ARL3: variants seen among roughly 807,000 people sequenced by gnomAD.
The protein encoded by ARL3 is ADP-ribosylation factor-like protein 3.
In ARL3, 9 loss-of-function variants were observed where a neutral mutation model predicts 26.0. The ratio of observed to expected loss-of-function variants is 0.35; its 90% CI spans 0.21 to 0.60. The LOEUF is 0.60. Ranked by LOEUF, ARL3 falls within the 20% of genes least tolerant of loss-of-function variation. ARL3 has a pLI of 0.78. For synonymous variants in ARL3, 71 were observed against 78.4 expected (o/e 0.91, Z 0.50); for missense variants, 158 against 215.7 (o/e 0.73, Z 1.67).
chr10:102,677,916 T>C (rs565459485), intron 5 of ARL3, among the ~76,000 whole-genome samples: 1 of 152,076 alleles, frequency 6.6e-6, no homozygotes, highest in Admixed American at 6.6e-5. Flanking sequence ...CCACATTTCC[T>C]GTGGCCATGG....
chr10:102,695,852 G>C (rs1445054484), intron 3 of ARL3, among the ~76,000 whole-genome samples: 1 of 151,128 alleles, frequency 6.6e-6, no homozygotes. Context: ...TTATTTTTTT[G>C]TTTTTTTCTG....
At chr10:102,701,097 A>C (rs963853054) in intron 2 of ARL3, among the ~76,000 whole-genome samples, 52 of 152,202 alleles carry the variant, frequency 3.4e-4, no homozygotes, top group African/African-American at 1.2e-3. Flanking sequence ...TGAGCAAATC[A>C]GGGACAGGCA....
intron 1 of ARL3, among the ~76,000 whole-genome samples, chr10:102,710,400 A>G (rs990504470): frequency 6.6e-6 from 1 of 152,218 alleles, no homozygotes; most frequent in Non-Finnish European, 1.5e-5. Context: ...GCTGGATGAA[A>G]GAGACCAGAA....
intron 3 of ARL3, among the ~76,000 whole-genome samples, chr10:102,691,473 C>T (rs1346768216): frequency 2.0e-5 from 3 of 152,244 alleles, no homozygotes; most frequent in African/African-American, 7.2e-5. Flanking sequence ...AAGGCAACCA[C>T]AGAAAATCTG....
At chr10:102,692,509 G>C (rs1470445471) in intron 3 of ARL3, among the ~76,000 whole-genome samples, 1 of 151,716 alleles carries the variant, frequency 6.6e-6, no homozygotes, top group Non-Finnish European at 1.5e-5. Context: ...TCTGCCTCCT[G>C]GGTTCAAGCG....
At chr10:102,682,918 GA>G (rs976661222) in intron 5 of ARL3, among the ~76,000 whole-genome samples, 2 of 151,714 alleles carry the variant, frequency 1.3e-5, no homozygotes, top group Admixed American at 6.6e-5. Context: ...GGGTAGGGAG[GA>G]AAAAAACAGG....
At position 102,676,147 on chromosome 10, in the gene ARL3, G is replaced by C. The variant is rs1310320403; in HGVS notation, c.*747C>G. 2 of 137,446 alleles carry C rather than the reference G, an allele frequency of 1.5e-5. No individual in the cohort carries two copies. Among genetic ancestry groups the C allele is most frequent in the Non-Finnish European group, 1.6e-5 (1 of 63,958 alleles). 8.5% of individuals were successfully genotyped at this position (137,446 alleles called of 1,614,324 possible). A position where few individuals can be genotyped will look rare whatever the true frequency, so the allele number is the denominator to read the frequency against. ...ACCTCCCACCTCTCCTTACATTCCA[G>C]ATGTCATTACAGTCAAAAGTCATAA... On this transcript the variant is annotated 3_prime_UTR_variant, in exon 6 of 6. Coordinates refer to ENST00000260746, the MANE Select transcript of ARL3 (RefSeq NM_004311.4).
intron 2 of ARL3, among the ~76,000 whole-genome samples, chr10:102,704,981 G>T (rs934336972): frequency 6.6e-6 from 1 of 152,116 alleles, no homozygotes; most frequent in African/African-American, 2.4e-5. Flanking sequence ...TACCATTTCA[G>T]CCATTTTAAA....
chr10:102,692,485 G>C (rs903904344), intron 3 of ARL3, among the ~76,000 whole-genome samples: 2 of 151,730 alleles, frequency 1.3e-5, no homozygotes, highest in Non-Finnish European at 2.9e-5. Context: ...GTGTGATCTC[G>C]GCTCACTGCA....
chr10:102,710,205 G>A (rs1405074070), intron 1 of ARL3, among the ~76,000 whole-genome samples: 1 of 152,166 alleles, frequency 6.6e-6, no homozygotes, highest in African/African-American at 2.4e-5. Context: ...TTTTCTTCCA[G>A]CAAAATGATA....
intron 5 of ARL3, among the ~76,000 whole-genome samples, chr10:102,685,171 C>A (rs1018569806): frequency 6.8e-6 from 1 of 146,030 alleles, no homozygotes; most frequent in Non-Finnish European, 1.5e-5. Context: ...ATCACTTGAA[C>A]CTGGAAGGCG....
intron 2 of ARL3, among the ~76,000 whole-genome samples, chr10:102,703,866 T>C (rs553276354): frequency 5.3e-5 from 8 of 151,562 alleles, no homozygotes; most frequent in African/African-American, 1.2e-4. Context: ...AGGCAGGTAA[T>C]TGGCCGGGCA....
In ARL3 at chr10:102,676,405, G is replaced by T. The variant is rs2064131233; in HGVS notation, c.*489C>A. ...TGTCGGACAGACTGAAGCCTGGCTG[G>T]GCTAGTGACGGTAAAAATCACTGAC... On this transcript the variant is annotated 3_prime_UTR_variant, in exon 6 of 6. Transcript: ENST00000260746. 1 of 154,008 alleles carries T rather than the reference G, an allele frequency of 6.5e-6. No homozygotes were observed. The highest frequency in any genetic ancestry group is 1.4e-5 in the Non-Finnish European group (1 of 69,090). The allele number at this position is 154,008 out of a possible 1,614,324, so 9.5% of individuals were successfully genotyped here. A position where few individuals can be genotyped will look rare whatever the true frequency, so the allele number is the denominator to read the frequency against.
At chr10:102,700,351 G>A (rs920522967) in intron 2 of ARL3, among the ~76,000 whole-genome samples, 1 of 144,076 alleles carries the variant, frequency 6.9e-6, no homozygotes, top group African/African-American at 2.6e-5. Context: ...AGAGGTTGCA[G>A]TGAGCTGAGA....
intron 1 of ARL3, among the ~76,000 whole-genome samples, chr10:102,710,917 A>G (rs2064335465): frequency 6.6e-6 from 1 of 152,198 alleles, no homozygotes; most frequent in Non-Finnish European, 1.5e-5. Flanking sequence ...AACAATACAA[A>G]CTAGGTCATT....
At chr10:102,698,951 C>A (rs537999455) in intron 3 of ARL3, among the ~76,000 whole-genome samples, 5 of 152,144 alleles carry the variant, frequency 3.3e-5, no homozygotes, top group South Asian at 4.1e-4. Flanking sequence ...TTCTCTTTTC[C>A]AGGAATAACA....
chr10:102,688,812 T>C (rs1251135009), intron 4 of ARL3, among the ~76,000 whole-genome samples: 1 of 152,174 alleles, frequency 6.6e-6, no homozygotes, highest in Non-Finnish European at 1.5e-5. Flanking sequence ...CCTTGGCATG[T>C]GCATTTTTTC....
At chr10:102,704,593 T>C (rs1179244399) in intron 2 of ARL3, among the ~76,000 whole-genome samples, 2 of 152,098 alleles carry the variant, frequency 1.3e-5, no homozygotes, top group South Asian at 2.1e-4. Flanking sequence ...TGAGCCAAGA[T>C]TGCACTACCA....
At chr10:102,690,295 CTTTTTTT>C (rs34924011) in intron 3 of ARL3, among the ~76,000 whole-genome samples, 1 of 123,724 alleles carries the variant, frequency 8.1e-6, no homozygotes, top group African/African-American at 2.9e-5. Context: ...CACTATTTTC[CTTTTTTT>C]TTTTTTTTTT....
Sources: allele counts gnomAD v4.1 joint callset (sites outside exome capture counted in the v4.1 genomes callset), GRCh38; gene constraint gnomAD v4.1.1; transcripts MANE v1.5; gene names NCBI Gene and HGNC (gene_info 2026-07-23, HGNC 2026-07-21).